The following TRANK1 variants were observed in gnomAD, a reference collection of about 807,000 sequenced individuals.
The protein encoded by TRANK1 is tetratricopeptide repeat and ankyrin repeat containing 1.
A neutral mutation model predicts 266.0 loss-of-function variants in TRANK1; 198 were observed. The observed-to-expected ratio is 0.74, with a 90% CI of 0.66 to 0.84. The LOEUF (loss-of-function observed/expected upper bound fraction) is 0.84, where lower values mean the gene tolerates loss of function less well. TRANK1 is among the 40% of genes least tolerant of loss of function. TRANK1 has a pLI of 0.00. For synonymous variants in TRANK1, 1,396 were observed against 1,384.1 expected, an observed-to-expected ratio of 1.01 and a Z score of -0.19; for missense variants, 3,326 against 3,634.6, an observed-to-expected ratio of 0.92 and a Z score of 2.18.
At position 36,896,014 on chromosome 3, in the gene TRANK1, A is replaced by G. The variant is rs11914656; in HGVS notation, c.434-256T>C. Among the ~76,000 whole-genome samples the G allele has an allele frequency of 4.3e-3, 659 of 152,310 alleles. 6 individuals carry two copies. Among genetic ancestry groups the G allele is most frequent in the African/African-American group, 0.015 (627 of 41,566 alleles). ...CTTTGCCTTTCTAGTTGCCAAGCCC[A>G]GTGATATGTGCTTATGTTCAATACC... On this transcript the variant is annotated intron_variant, in intron 4 of 23. Transcript: ENST00000645898.
intron 5 of TRANK1, among the ~76,000 whole-genome samples, chr3:36,894,408 G>T (rs2079758001): frequency 6.6e-6 from 1 of 152,186 alleles, no homozygotes; most frequent in African/African-American, 2.4e-5. Context: ...AATAAAGCTG[G>T]AAGGATCCTT....
At chr3:36,850,777 A>G (rs1024039705) in intron 15 of TRANK1, 2 of 985,398 alleles carry the variant, frequency 2.0e-6, no homozygotes, top group Admixed American at 1.2e-4. Flanking sequence ...TTAAAAAATG[A>G]TAAGAAAAAA....
chr3:36,832,517 C>T lies in TRANK1; in HGVS notation c.7066G>A (p.Asp2356Asn), dbSNP rs757243888. 2 of 1,613,952 alleles carry T rather than the reference C, an allele frequency of 1.2e-6. No homozygotes were observed. Among genetic ancestry groups the T allele is most frequent in the South Asian group, 2.2e-5 (2 of 91,076 alleles). Reference sequence around the variant, plus strand: ...GCTTTGAGTTCCCTGTTGTAGTTGTCCTCCTCCTGGTGGAGCAGCTTTTCA... The same window carrying T: ...GCTTTGAGTTCCCTGTTGTAGTTGTTCTCCTCCTGGTGGAGCAGCTTTTCA... ...EFEKLLHQEE[D>N]NYNRELKALE... The change falls in exon 22 of 24, where the codon GAC becomes AAC. Residue 2356 changes from aspartate to asparagine, a missense_variant. Coordinates refer to ENST00000645898, the MANE Select transcript of TRANK1 (RefSeq NM_001329998.2).
At position 36,833,593 on chromosome 3, in the gene TRANK1, C is replaced by T. The variant is rs763300155; in HGVS notation, c.5990G>A (p.Arg1997His). Residue 1997 changes from arginine (R) to histidine (H), a missense_variant, in exon 22 of 24, where the codon CGC (arginine) becomes CAC (histidine). By Grantham distance (29) the Arg-to-His change is conservative. Transcript: ENST00000645898. ...GTCGGAATCCCTGGCCACATTGAGG[C>T]GGGCGGCCCCCAGCAGACATGAGGC... ...FQASCLLGAA[R>H]LNVARDSDIE... 4.3e-6 allele frequency: 7 copies of T among 1,613,804 alleles called. No individual in the cohort carries two copies. The highest frequency in any genetic ancestry group is 1.6e-4 in the Middle Eastern group (1 of 6,084).
rs1165094782 is a variant in TRANK1, at chr3:36,879,699, TATAA to T, written c.908-5407_908-5404del. Reference sequence around the variant, plus strand: ...ATATATAAATATATAAATATATAAATATAAATATAAATATATAAATATATAAATA... The same window carrying T: ...ATATATAAATATATAAATATATAAATATATAAATATATAAATATATAAATA... On this transcript the variant is annotated intron_variant, in intron 8 of 23. Transcript: ENST00000645898. Among the ~76,000 whole-genome samples the T allele has an allele frequency of 8.2e-5, 7 of 85,524 alleles. 1 individual carries two copies. Among genetic ancestry groups the T allele is most frequent in the Admixed American group, 1.4e-4 (1 of 7,204 alleles). 56.1% of individuals were successfully genotyped at this position (85,524 alleles called of 152,430 possible).
intron 18 of TRANK1, among the ~76,000 whole-genome samples, chr3:36,840,140 G>C (rs2078823628): frequency 6.6e-6 from 1 of 152,000 alleles, no homozygotes; most frequent in Non-Finnish European, 1.5e-5. Flanking sequence ...GGGAATAAAG[G>C]GTAAGATTTT....
intron 8 of TRANK1, among the ~76,000 whole-genome samples, chr3:36,882,401 T>A (rs2125591556): frequency 6.6e-6 from 1 of 152,240 alleles, no homozygotes; most frequent in Non-Finnish European, 1.5e-5. Context: ...TAGTGACATC[T>A]CCAATTACTG....
At chr3:36,925,783 A>T (rs1298759329) in intron 1 of TRANK1, among the ~76,000 whole-genome samples, 17 of 151,944 alleles carry the variant, frequency 1.1e-4, no homozygotes. Flanking sequence ...ATGGGGTTTC[A>T]CCATGTTGGC....
intron 8 of TRANK1, among the ~76,000 whole-genome samples, chr3:36,878,861 G>A (rs903269171): frequency 1.3e-5 from 2 of 151,390 alleles, no homozygotes; most frequent in African/African-American, 4.9e-5. Flanking sequence ...TAATTAAAAC[G>A]TACTAGGATT....
chr3:36,895,928 A>G (rs192508620), intron 4 of TRANK1, among the ~76,000 whole-genome samples, 170 bp from the exon 5 acceptor site: 2 of 152,346 alleles, frequency 1.3e-5, no homozygotes, highest in Non-Finnish European at 2.9e-5. Context: ...TGAAGTGGCA[A>G]TTATTTTCAG....
intron 18 of TRANK1, among the ~76,000 whole-genome samples, chr3:36,840,585 CA>C (rs1342165440): frequency 6.6e-6 from 1 of 152,222 alleles, no homozygotes; most frequent in African/African-American, 2.4e-5. Context: ...CAGAATTCAG[CA>C]GAAGCGGCAC....
chr3:36,922,664 T>C (rs2080232027), intron 1 of TRANK1, among the ~76,000 whole-genome samples: 1 of 151,564 alleles, frequency 6.6e-6, no homozygotes, highest in Non-Finnish European at 1.5e-5. Flanking sequence ...TAGTCCCAGC[T>C]ACTCGGGAGG....
chr3:36,844,891 T>C (rs1007834792), intron 17 of TRANK1, among the ~76,000 whole-genome samples: 1 of 152,082 alleles, frequency 6.6e-6, no homozygotes, highest in Non-Finnish European at 1.5e-5. Flanking sequence ...TCTACCCTTA[T>C]AGAAATGAAC....
At chr3:36,913,030 T>TTGTG (rs10633466) in intron 1 of TRANK1, among the ~76,000 whole-genome samples, 8,932 of 143,854 alleles carry the variant, frequency 0.062, 536 homozygotes, top group African/African-American at 0.15. Context: ...TATGTCTCTT[T>TTGTG]TGTGTGTGTG....
chr3:36,900,565 A>G (rs887731680), intron 3 of TRANK1, among the ~76,000 whole-genome samples: 1 of 152,124 alleles, frequency 6.6e-6, no homozygotes, highest in Non-Finnish European at 1.5e-5. Context: ...GGGATCTACC[A>G]AAACAATTTT....
intron 7 of TRANK1, among the ~76,000 whole-genome samples, chr3:36,891,062 G>T (rs549875993): frequency 6.6e-6 from 1 of 152,312 alleles, no homozygotes; most frequent in East Asian, 1.9e-4. Flanking sequence ...TCTTGGCCAG[G>T]CATGGTGGGG....
At chr3:36,854,752 G>C (rs986111482) in intron 13 of TRANK1, among the ~76,000 whole-genome samples, 1 of 151,366 alleles carries the variant, frequency 6.6e-6, no homozygotes. Flanking sequence ...AACTCCCACT[G>C]CCTACCACCC....
chr3:36,939,256 AACAT>A (rs972669101), intron 1 of TRANK1, among the ~76,000 whole-genome samples: 4 of 129,212 alleles, frequency 3.1e-5, no homozygotes. Flanking sequence ...TTCCCATTCT[AACAT>A]ACACACACAC....
chr3:36,944,783 G>A lies in TRANK1; in HGVS notation c.23+4C>T. 1 of 1,495,668 alleles carries A rather than the reference G, an allele frequency of 6.7e-7. No homozygotes were observed. The highest frequency in any genetic ancestry group is 8.9e-7 in the Non-Finnish European group (1 of 1,129,594). The allele number at this position is 1,495,668 out of a possible 1,614,324, so 92.6% of individuals were successfully genotyped here. A position where few individuals can be genotyped will look rare whatever the true frequency, so the allele number is the denominator to read the frequency against. On this transcript the variant is annotated splice_donor_region_variant and intron_variant, in intron 1 of 23. Coordinates refer to ENST00000645898, the MANE Select transcript of TRANK1 (RefSeq NM_001329998.2). Reference sequence around the variant, plus strand: ...GCCCCAGTGCTTCCCGCGCCGCTACGCACCTAGCTGCCCGCGGGTCCCACA... The same window carrying A: ...GCCCCAGTGCTTCCCGCGCCGCTACACACCTAGCTGCCCGCGGGTCCCACA...
Sources: gnomAD v4.1 joint callset for allele counts (sites outside exome capture counted in the v4.1 genomes callset) on GRCh38, gnomAD v4.1.1 for gene constraint, MANE v1.5 for transcripts, NCBI Gene and HGNC (gene_info 2026-07-23, HGNC 2026-07-21) for gene names.